The following NXNL2 variants were observed in gnomAD, a reference collection of about 807,000 sequenced individuals.
NXNL2 encodes nucleoredoxin like 2.
NXNL2 carries 7 observed loss-of-function variants against 11.1 expected under a neutral mutation model. That is an observed-to-expected ratio of 0.63 (90% CI 0.36 to 1.18). The LOEUF is 1.18. Among genes scored for constraint, NXNL2 ranks in the 50% most tolerant of loss-of-function variants. The pLI is 0.02. For missense variants in NXNL2, 233 were observed against 217.7 expected (o/e 1.07, Z -0.44); for synonymous variants, 109 against 101.8 (o/e 1.07, Z -0.42).
In NXNL2 at chr9:88,566,602, C is replaced by T. The variant is rs543805662; in HGVS notation, c.303-4485C>T. The stretch of plus-strand genomic sequence containing the variant: ...ACAGGCATGAGCCACTGCGCCTGGC[C>T]GATCCCTTATGTTTTCTTTTAGGAG... On this transcript the variant is annotated intron_variant, in intron 1 of 2. Coordinates refer to the NXNL2 transcript ENST00000375855. Among the ~76,000 whole-genome samples the T allele has an allele frequency of 4.6e-5, 7 of 152,274 alleles. No homozygotes were observed. In the South Asian group the frequency reaches 8.3e-4, roughly 18 times the overall value.
At chr9:88,571,587 G>A (rs1254853581) in intron 2 of NXNL2, among the ~76,000 whole-genome samples, 6 of 152,216 alleles carry the variant, frequency 3.9e-5, no homozygotes, top group South Asian at 4.1e-4. Flanking sequence ...TGTGCTGCGC[G>A]TGTGGAGTGG....
At chr9:88,582,125 C>T (rs953742312) in intron 1 of NXNL2, among the ~76,000 whole-genome samples, 1 of 152,118 alleles carries the variant, frequency 6.6e-6, no homozygotes, top group Non-Finnish European at 1.5e-5. Context: ...ACTCTCTAGT[C>T]CTATATTTGT....
At chr9:88,561,177 A>G (rs1830080745) in intron 1 of NXNL2, among the ~76,000 whole-genome samples, 1 of 152,158 alleles carries the variant, frequency 6.6e-6, no homozygotes, top group Non-Finnish European at 1.5e-5. Context: ...ATCAGCTGCC[A>G]GTGAATATAA....
downstream of NXNL2, among the ~76,000 whole-genome samples, chr9:88,576,086 T>C (rs1372814054): frequency 6.6e-6 from 1 of 152,112 alleles, no homozygotes; most frequent in Non-Finnish European, 1.5e-5. Flanking sequence ...TCCCAGCTAC[T>C]TGGGAGGCTG....
chr9:88,559,538 C>T (rs774322022), intron 1 of NXNL2, among the ~76,000 whole-genome samples: 32 of 152,290 alleles, frequency 2.1e-4, no homozygotes, highest in Middle Eastern at 3.4e-3. Flanking sequence ...TTCACTTGCT[C>T]GACCTCATCC....
intron 1 of NXNL2, among the ~76,000 whole-genome samples, chr9:88,556,698 T>A (rs1447260814): frequency 6.6e-6 from 1 of 152,150 alleles, no homozygotes; most frequent in Non-Finnish European, 1.5e-5. Flanking sequence ...GACCTGCCCC[T>A]GTCTGCCTAG....
chr9:88,569,739 A>G (rs2118527479), intron 1 of NXNL2, among the ~76,000 whole-genome samples: 1 of 152,272 alleles, frequency 6.6e-6, no homozygotes, highest in Non-Finnish European at 1.5e-5. Flanking sequence ...TTGACTTATT[A>G]ATATAGTGAA....
intron 1 of NXNL2, among the ~76,000 whole-genome samples, chr9:88,552,473 G>GTTTTTTTTTTTTTTTTTTT (rs59133640): frequency 7.6e-6 from 1 of 131,564 alleles, no homozygotes; most frequent in African/African-American, 2.8e-5. Flanking sequence ...AAACATGCAT[G>GTTTTTTTTTTTTTTTTTTT]TTTTTTTTTT....
chr9:88,538,401 C>T (rs952061395), intron 1 of NXNL2: 3 of 152,252 alleles, frequency 2.0e-5, no homozygotes, highest in African/African-American at 7.2e-5. Flanking sequence ...AGGTTATGGG[C>T]TGGCTTTAAT....
downstream of NXNL2, chr9:88,545,051 T>A (rs1469549066): frequency 5.2e-6 from 1 of 192,248 alleles, no homozygotes; most frequent in Non-Finnish European, 9.5e-6. Flanking sequence ...ACAAATACCA[T>A]GCTTAAATAT....
Position 88,535,747 on chromosome 9 carries a change from G to T in NXNL2, c.302+11G>T, listed in dbSNP as rs1587837640. 6.5e-7 allele frequency: 1 copy of T among 1,541,508 alleles called. No individual in the cohort carries two copies. The highest frequency in any genetic ancestry group is 2.3e-5 in the East Asian group (1 of 44,174). On this transcript the variant is annotated intron_variant, in intron 1 of 1. Transcript: ENST00000375854. ...CGACCCCTACCGGCAGTGAGTGGGG[G>T]TCCTGGGGGGGCGGGGGCCGCCCGG...
chr9:88,562,255 G>C (rs1230540341), intron 1 of NXNL2, among the ~76,000 whole-genome samples: 2 of 152,124 alleles, frequency 1.3e-5, no homozygotes, highest in Non-Finnish European at 2.9e-5. Flanking sequence ...TTAAAAGTCA[G>C]ATAGTGCTCA....
At chr9:88,548,387 G>A (rs1217954225), downstream of NXNL2, among the ~76,000 whole-genome samples, 1 of 133,204 alleles carries the variant, frequency 7.5e-6, no homozygotes, top group Admixed American at 7.8e-5. Context: ...AAAAAAGCTG[G>A]GTGCTGTAGC....
Position 88,552,350 on chromosome 9 carries a change from A to C in NXNL2, c.302+16614A>C, listed in dbSNP as rs1829946746. Among the ~76,000 whole-genome samples the C allele has an allele frequency of 2.0e-5, 3 of 151,802 alleles. No individual in the cohort carries two copies. In the South Asian group the frequency reaches 6.3e-4, roughly 32 times the overall value. On this transcript the variant is annotated intron_variant, in intron 1 of 2. Transcript: ENST00000375855. ...TGTGTTTAAACTGCCTATTTGCCTG[A>C]TTGTTGAGAAAAGTTAATTTTATGT...
intron 1 of NXNL2, among the ~76,000 whole-genome samples, chr9:88,540,102 G>A (rs1165646208): frequency 1.3e-5 from 2 of 152,008 alleles, no homozygotes; most frequent in African/African-American, 2.4e-5. Flanking sequence ...GGAGGCCGAG[G>A]CGGGTGGATC....
chr9:88,579,011 G>C (rs1830379810), downstream of NXNL2, among the ~76,000 whole-genome samples: 1 of 152,182 alleles, frequency 6.6e-6, no homozygotes, highest in South Asian at 2.1e-4. Context: ...CTGGACATGG[G>C]GATCACAGGA....
At chr9:88,566,561 C>T (rs951716527) in intron 1 of NXNL2, among the ~76,000 whole-genome samples, 11 of 152,260 alleles carry the variant, frequency 7.2e-5, no homozygotes, top group East Asian at 3.9e-4. Context: ...GCTCGGCCTC[C>T]GAAAGTTCTG....
At chr9:88,558,311 A>T (rs1395964017) in intron 1 of NXNL2, among the ~76,000 whole-genome samples, 1 of 152,196 alleles carries the variant, frequency 6.6e-6, no homozygotes, top group African/African-American at 2.4e-5. Flanking sequence ...GGCTAGCTGA[A>T]CACGTAGAGA....
chr9:88,580,495 A>G (rs1250007459), downstream of NXNL2, among the ~76,000 whole-genome samples: 1 of 152,192 alleles, frequency 6.6e-6, no homozygotes, highest in Non-Finnish European at 1.5e-5. Context: ...GTCAGCCAAC[A>G]GTGGTGGGAG....
Sources: allele counts gnomAD v4.1 joint callset (sites outside exome capture counted in the v4.1 genomes callset), GRCh38; gene constraint gnomAD v4.1.1; transcripts MANE v1.5; gene names NCBI Gene and HGNC (gene_info 2026-07-23, HGNC 2026-07-21).